ZBTB20: variants seen among roughly 807,000 people sequenced by gnomAD.
The protein encoded by ZBTB20 is zinc finger and BTB domain containing 20, also known as zinc finger and BTB domain-containing protein 20.
ZBTB20 carries 9 observed loss-of-function variants against 56.9 expected under a neutral mutation model. That is an observed-to-expected ratio of 0.16 (90% CI 0.10 to 0.28). The LOEUF (loss-of-function observed/expected upper bound fraction) is 0.28. Among genes scored for constraint, ZBTB20 ranks in the 10% least tolerant of loss-of-function variants. The pLI is 1.00. For missense variants in ZBTB20, 655 were observed against 1,003.0 expected (o/e 0.65, Z 4.69); for synonymous variants, 417 against 420.7 (o/e 0.99, Z 0.11).
At chr3:114,383,955 G>C (rs763604971) in intron 8 of ZBTB20, among the ~76,000 whole-genome samples, 1 of 152,132 alleles carries the variant, frequency 6.6e-6, no homozygotes, top group South Asian at 2.1e-4. Context: ...CTATTCCCTG[G>C]AGCCTTTAGA....
chr3:114,325,353 T>C lies in ZBTB20; in HGVS notation c.*13652A>G, dbSNP rs1249159453. The C allele has an allele frequency of 6.6e-6, 1 of 152,156 alleles. No individual in the cohort carries two copies. The highest frequency in any genetic ancestry group is 6.6e-5 in the Admixed American group (1 of 15,264). The allele number at this position is 152,156 out of a possible 1,614,324, so 9.4% of individuals were successfully genotyped here. ...CCTTTGTTTTCAAAGATTCCCCTAG[T>C]TGTGAACATGCATAAAGCACTTTGA... On this transcript the variant is annotated 3_prime_UTR_variant, in exon 12 of 12. Coordinates refer to ENST00000675478, the MANE Select transcript of ZBTB20 (RefSeq NM_001348800.3).
intron 4 of ZBTB20, among the ~76,000 whole-genome samples, chr3:114,860,090 C>T (rs748033958): frequency 3.3e-5 from 5 of 152,044 alleles, no homozygotes; most frequent in Non-Finnish European, 7.4e-5. Context: ...GGGTGGATCA[C>T]GACGTCAGGA....
At chr3:114,526,484 C>A (rs1434536040) in intron 6 of ZBTB20, among the ~76,000 whole-genome samples, 1 of 151,996 alleles carries the variant, frequency 6.6e-6, no homozygotes, top group African/African-American at 2.4e-5. Context: ...CACAAACTGG[C>A]CTTTGCTCTG....
chr3:114,339,374 A>G lies in ZBTB20; in HGVS notation c.1857T>C (p.Asp619=). 6.2e-7 allele frequency: 1 copy of G among 1,613,976 alleles called. No homozygotes were observed. The highest frequency in any genetic ancestry group is 8.5e-7 in the Non-Finnish European group (1 of 1,180,018). Residue 619 remains aspartate (D), a synonymous_variant, in exon 12 of 12, where the codon GAT becomes GAC. Transcript: ENST00000675478. This position sits in a 1 kb window ranked among gnomAD's most constrained non-coding sequence, Gnocchi z 4.2. ...GTGTCACCATGTGCTTGATAAGGTA[A>G]TCCTTTAAGGAGAAGGAGCGCCAAC... is the stretch of plus-strand genomic sequence containing the variant. ...SICWRSFSLK[D]YLIKHMVTHT... is the part of the protein sequence containing the mutation.
At chr3:115,076,454 G>A (rs1313535159) in intron 1 of ZBTB20, among the ~76,000 whole-genome samples, 1 of 152,116 alleles carries the variant, frequency 6.6e-6, no homozygotes, top group Non-Finnish European at 1.5e-5. Flanking sequence ...TACACAATGA[G>A]AAAAGGATAG....
At chr3:114,934,922 T>C (rs2107821797) in intron 3 of ZBTB20, among the ~76,000 whole-genome samples, 1 of 152,346 alleles carries the variant, frequency 6.6e-6, no homozygotes, top group East Asian at 1.9e-4. Flanking sequence ...ACTTGTATAC[T>C]CACAGTGAGC....
intron 5 of ZBTB20, among the ~76,000 whole-genome samples, chr3:114,740,774 A>T (rs1405664273): frequency 6.6e-6 from 1 of 152,216 alleles, no homozygotes; most frequent in East Asian, 1.9e-4. Context: ...TTTAAACACT[A>T]AAATACATTT....
intron 6 of ZBTB20, among the ~76,000 whole-genome samples, chr3:114,663,844 C>G (rs2060893340): frequency 6.6e-6 from 1 of 150,814 alleles, no homozygotes; most frequent in Admixed American, 6.6e-5. Flanking sequence ...GCTAACTATC[C>G]TAAATATATA....
intron 2 of ZBTB20, among the ~76,000 whole-genome samples, chr3:115,045,253 T>TA (rs1054955625): frequency 1.3e-5 from 2 of 152,054 alleles, no homozygotes; most frequent in Non-Finnish European, 2.9e-5. Flanking sequence ...GCCAATAAAC[T>TA]AAAAAACATG....
intron 1 of ZBTB20, among the ~76,000 whole-genome samples, chr3:115,122,540 G>A (rs569911288): frequency 6.6e-6 from 1 of 150,796 alleles, no homozygotes; most frequent in South Asian, 2.1e-4. Flanking sequence ...CTATATCTCT[G>A]AGGAGATCCT....
intron 11 of ZBTB20, among the ~76,000 whole-genome samples, chr3:114,341,144 T>C (rs2079730506): frequency 6.6e-6 from 1 of 152,202 alleles, no homozygotes; most frequent in African/African-American, 2.4e-5. Flanking sequence ...CTGCGTAAGA[T>C]CACATGGTTA....
chr3:114,382,183 C>G (rs920029418), intron 8 of ZBTB20, among the ~76,000 whole-genome samples: 1 of 152,154 alleles, frequency 6.6e-6, no homozygotes, highest in East Asian at 1.9e-4. Context: ...TCTTACAGTT[C>G]TGCTTCCTTC....
intron 7 of ZBTB20, among the ~76,000 whole-genome samples, chr3:114,422,192 G>A (rs2722010): frequency 0.22 from 33,494 of 152,014 alleles, 3,968 homozygotes; most frequent in Middle Eastern, 0.32. Context: ...CCACTACATC[G>A]TCTGCTCAGT....
rs537800173 is a variant in ZBTB20, at chr3:114,994,682, A to G, written c.-506-20266T>C. On this transcript the variant is annotated intron_variant, in intron 2 of 11. Transcript: ENST00000675478. ...GTGTGTGCCTGTCAGGCACTGCACA[A>G]CTTTTCAAACCTTGAAATCTGATTG... Among the ~76,000 whole-genome samples the G allele has an allele frequency of 2.6e-5, 4 of 152,094 alleles. No individual in the cohort carries two copies. In the South Asian group the frequency reaches 8.3e-4, roughly 32 times the overall value.
chr3:114,798,389 A>T (rs1411943355), intron 5 of ZBTB20, among the ~76,000 whole-genome samples: 1 of 151,890 alleles, frequency 6.6e-6, no homozygotes, highest in Admixed American at 6.6e-5. Context: ...GATAACAACC[A>T]ATGTTTTCAG....
chr3:114,983,444 C>T (rs1340203792), intron 2 of ZBTB20, among the ~76,000 whole-genome samples: 4 of 151,904 alleles, frequency 2.6e-5, no homozygotes, highest in African/African-American at 9.7e-5. Context: ...ACCGGAGAAG[C>T]ATTGTTTCTC....
At chr3:114,416,284 T>C (rs923451254) in intron 7 of ZBTB20, among the ~76,000 whole-genome samples, 1 of 150,840 alleles carries the variant, frequency 6.6e-6, no homozygotes, top group Admixed American at 6.6e-5. Context: ...CACCTGATCA[T>C]TGTGGTCAGA....
At chr3:114,703,955 T>C (rs1004754638) in intron 5 of ZBTB20, among the ~76,000 whole-genome samples, 3 of 152,342 alleles carry the variant, frequency 2.0e-5, no homozygotes, top group South Asian at 4.1e-4. Flanking sequence ...AAGACTGGAA[T>C]AGATATTCTT....
intron 1 of ZBTB20, among the ~76,000 whole-genome samples, chr3:115,115,760 A>G (rs2084000112): frequency 6.6e-6 from 1 of 152,040 alleles, no homozygotes; most frequent in African/African-American, 2.4e-5. Context: ...TGATTTTGTA[A>G]AGTCTGTACT....
Sources: gnomAD v4.1 joint callset for allele counts (sites outside exome capture counted in the v4.1 genomes callset) on GRCh38, gnomAD v4.1.1 for gene constraint, Gnocchi (gnomAD v3.1) non-coding constraint, MANE v1.5 for transcripts, NCBI Gene and HGNC (gene_info 2026-07-23, HGNC 2026-07-21) for gene names.